STOX2: variants seen among roughly 807,000 people sequenced by gnomAD.
STOX2 encodes storkhead-box protein 2.
A neutral mutation model predicts 60.9 loss-of-function variants in STOX2; 28 were observed. The ratio of observed to expected loss-of-function variants is 0.46; its 90% confidence interval spans 0.34 to 0.63. The LOEUF (loss-of-function observed/expected upper bound fraction) is 0.63, where lower values mean the gene tolerates loss of function less well. STOX2 is among the 30% of genes least tolerant of loss of function. STOX2 has a pLI of 0.01. For missense variants in STOX2, 1,024 were observed against 1,187.7 expected, an observed-to-expected ratio of 0.86 and a Z score of 2.03; for synonymous variants, 472 against 463.9, an observed-to-expected ratio of 1.02 and a Z score of -0.22.
At chr4:183,866,315 C>T (rs1740566147) in intron 1 of STOX2, among the ~76,000 whole-genome samples, 1 of 152,090 alleles carries the variant, frequency 6.6e-6, no homozygotes, top group Non-Finnish European at 1.5e-5. Flanking sequence ...GTCTTTCTCT[C>T]CCGGTTTCTC....
intron 1 of STOX2, among the ~76,000 whole-genome samples, chr4:183,933,538 G>A (rs10005452): frequency 0.12 from 18,916 of 151,928 alleles, 1,486 homozygotes; most frequent in South Asian, 0.2. Context: ...ACAGGCGCCC[G>A]CCACCATGCC....
At chr4:183,880,978 C>CA in intron 1 of STOX2, among the ~76,000 whole-genome samples, 1 of 152,096 alleles carries the variant, frequency 6.6e-6, no homozygotes, top group Non-Finnish European at 1.5e-5. Context: ...ACGTCTGTCT[C>CA]ATTGGCTGTG....
intron 1 of STOX2, among the ~76,000 whole-genome samples, chr4:183,963,633 C>G (rs538415351): frequency 6.6e-6 from 1 of 151,660 alleles, no homozygotes; most frequent in South Asian, 2.1e-4. Context: ...ACCATGTTGG[C>G]CAGGCTGGTT....
chr4:183,883,855 AT>A (rs773915549), intron 1 of STOX2, among the ~76,000 whole-genome samples: 46 of 101,522 alleles, frequency 4.5e-4, no homozygotes, highest in Non-Finnish European at 8.2e-4. Context: ...AGTAAATTTT[AT>A]TTTATTTTTT....
At position 183,798,064 on chromosome 4, in the gene STOX2, G is replaced by T; in HGVS notation, c.364+9G>T. ...CCACATCCGCTGCCTGGGTGAGTGCGACCGCCGCGCGCCCGTCCCGTCCCT... is the reference window on the plus strand; with the variant it reads ...CCACATCCGCTGCCTGGGTGAGTGCTACCGCCGCGCGCCCGTCCCGTCCCT... On this transcript the variant is annotated intron_variant, in intron 1 of 2. Coordinates refer to the STOX2 transcript ENST00000513034. 3 of 1,227,964 alleles carry T rather than the reference G, an allele frequency of 2.4e-6. No homozygotes were observed. In the South Asian group the frequency reaches 1.2e-4, roughly 51 times the overall value. 76.1% of individuals were successfully genotyped at this position (1,227,964 alleles called of 1,614,324 possible).
At chr4:183,859,230 G>A (rs949852963) in intron 1 of STOX2, among the ~76,000 whole-genome samples, 6 of 152,188 alleles carry the variant, frequency 3.9e-5, no homozygotes, top group Admixed American at 2.6e-4. Flanking sequence ...TCCCAGTGTT[G>A]TAGGGTGTCA....
At chr4:183,965,739 G>T (rs987848759) in intron 1 of STOX2, among the ~76,000 whole-genome samples, 2 of 152,036 alleles carry the variant, frequency 1.3e-5, no homozygotes, top group Non-Finnish European at 2.9e-5. Context: ...CGGGGGTTGT[G>T]GGGGGCGGTT....
At chr4:183,909,811 T>C (rs1449362437) in intron 1 of STOX2, among the ~76,000 whole-genome samples, 1 of 152,244 alleles carries the variant, frequency 6.6e-6, no homozygotes, top group Non-Finnish European at 1.5e-5. Context: ...AATAAGTAAT[T>C]ACCAGTGTGA....
At chr4:183,946,350 A>G (rs530309455) in intron 1 of STOX2, among the ~76,000 whole-genome samples, 1 of 152,300 alleles carries the variant, frequency 6.6e-6, no homozygotes, top group South Asian at 2.1e-4. Flanking sequence ...CTGTGACAAG[A>G]GCTAAGCACA....
At chr4:183,810,719 C>T (rs547114593) in intron 1 of STOX2, among the ~76,000 whole-genome samples, 1 of 151,818 alleles carries the variant, frequency 6.6e-6, no homozygotes, top group East Asian at 1.9e-4. Flanking sequence ...TGCACCCTCA[C>T]CCCCACCCCC....
At chr4:183,830,981 C>T (rs1163286607) in intron 1 of STOX2, among the ~76,000 whole-genome samples, 1 of 151,028 alleles carries the variant, frequency 6.6e-6, no homozygotes, top group Non-Finnish European at 1.5e-5. Flanking sequence ...TGTTTAGATC[C>T]TTCCTAGGCT....
At position 183,886,577 on chromosome 4, in the gene STOX2, T is replaced by G. The variant is rs181100773; in HGVS notation, c.364+88522T>G. On this transcript the variant is annotated intron_variant, in intron 1 of 2. Coordinates refer to the STOX2 transcript ENST00000513034. ...ACCATGTGTCTGCAGCTCCTGGCACTCTGTTCCAGCACCGTCCAGGTGCAG... is the reference window on the plus strand; with the variant it reads ...ACCATGTGTCTGCAGCTCCTGGCACGCTGTTCCAGCACCGTCCAGGTGCAG... Among the ~76,000 whole-genome samples, 48 of 152,308 alleles carry G rather than the reference T, an allele frequency of 3.2e-4. 1 individual carries two copies. The highest frequency in any genetic ancestry group is 8.8e-5 in the Non-Finnish European group (6 of 68,016).
At chr4:183,843,165 A>G (rs1739907718) in intron 1 of STOX2, among the ~76,000 whole-genome samples, 2 of 149,220 alleles carry the variant, frequency 1.3e-5, no homozygotes, top group South Asian at 2.1e-4. Context: ...AAAAAAAAAG[A>G]AAAAGAAAAA....
rs770103914 is a variant in STOX2, at chr4:183,825,596, C to T, written c.364+27541C>T. Among the ~76,000 whole-genome samples the T allele has an allele frequency of 4.6e-5, 7 of 152,276 alleles. No homozygotes were observed. The highest frequency in any genetic ancestry group is 1.2e-4 in the African/African-American group (5 of 41,534). On this transcript the variant is annotated intron_variant, in intron 1 of 2. Transcript: ENST00000513034. This position sits in a 1 kb window ranked among gnomAD's most constrained non-coding sequence, Gnocchi z 4.1. ...GTCCTGCCAACGTGGGTGCAGCGCC[C>T]GACCCCTCCCTGCCCGTCCTCTGTG... is the stretch of plus-strand genomic sequence containing the variant.
At chr4:183,848,559 G>A (rs1208119177) in intron 1 of STOX2, among the ~76,000 whole-genome samples, 2 of 152,154 alleles carry the variant, frequency 1.3e-5, no homozygotes, top group East Asian at 3.8e-4. Context: ...GAGATGAAAG[G>A]AGCAGGGTTC....
intron 1 of STOX2, among the ~76,000 whole-genome samples, chr4:183,946,433 A>G (rs573825139): frequency 6.6e-6 from 1 of 152,232 alleles, no homozygotes; most frequent in South Asian, 2.1e-4. Flanking sequence ...CTATGACCCC[A>G]TGGATACCAA....
In STOX2 at chr4:184,011,663, C is replaced by A. The variant is rs1322361499; in HGVS notation, c.2585+240C>A. 5 of 1,477,460 alleles carry A rather than the reference C, an allele frequency of 3.4e-6. No individual in the cohort carries two copies. The African/African-American group carries it at 5.6e-5, about 17-fold the overall frequency. 91.5% of individuals were successfully genotyped at this position (1,477,460 alleles called of 1,614,324 possible). On this transcript the variant is annotated intron_variant, in intron 3 of 3. Coordinates refer to ENST00000308497, the MANE Select transcript of STOX2 (RefSeq NM_020225.3). The surrounding 1 kb of genome is among the most constrained non-coding windows in gnomAD (Gnocchi z 4.4). ...GGGTTGGCTCCTCCCCTCAAACTTG[C>A]ATCAGTCTGATCTAACTAAAACCAA...
At chr4:183,802,461 A>T (rs2111091636) in intron 1 of STOX2, among the ~76,000 whole-genome samples, 1 of 151,404 alleles carries the variant, frequency 6.6e-6, no homozygotes, top group East Asian at 2.0e-4. Flanking sequence ...TGCAGCCTCC[A>T]ACTCCTGAGC....
intron 1 of STOX2, among the ~76,000 whole-genome samples, chr4:183,819,183 C>T (rs1739240219): frequency 6.6e-6 from 1 of 152,096 alleles, no homozygotes; most frequent in Non-Finnish European, 1.5e-5. Flanking sequence ...CTTTGGGAGG[C>T]CAAGGCAGGG....
Sources: gnomAD v4.1 joint callset for allele counts (sites outside exome capture counted in the v4.1 genomes callset) on GRCh38, gnomAD v4.1.1 for gene constraint, Gnocchi (gnomAD v3.1) non-coding constraint, MANE v1.5 for transcripts, NCBI Gene and HGNC (gene_info 2026-07-23, HGNC 2026-07-21) for gene names.